The following SPATA13 variants were observed in gnomAD, a reference collection of about 807,000 sequenced individuals.
The protein encoded by SPATA13 is spermatogenesis-associated protein 13.
Under a neutral mutation model 104.0 loss-of-function variants are expected in SPATA13, and 50 were observed. The ratio of observed to expected loss-of-function variants is 0.48; its 90% CI spans 0.38 to 0.61. SPATA13 has a LOEUF of 0.61. SPATA13 is among the 20% of genes least tolerant of loss of function. SPATA13 has a pLI of 0.00. For missense variants in SPATA13, 1,524 were observed against 1,690.6 expected (o/e 0.90, Z 1.73); for synonymous variants, 606 against 667.5 (o/e 0.91, Z 1.42).
chr13:24,261,398 G>A (rs1003533801), intron 4 of SPATA13, among the ~76,000 whole-genome samples: 25 of 152,118 alleles, frequency 1.6e-4, no homozygotes, highest in African/African-American at 5.8e-4. Context: ...TGGGCAGCTC[G>A]ATGAAGATGA....
chr13:24,275,015 G>T (rs909500583), intron 4 of SPATA13, among the ~76,000 whole-genome samples: 1 of 151,996 alleles, frequency 6.6e-6, no homozygotes, highest in South Asian at 2.1e-4. Context: ...CCCTCACCAG[G>T]ACTACCCTCC....
intron 3 of SPATA13, among the ~76,000 whole-genome samples, chr13:24,101,948 GGCGAATATCT>G (rs1313776742): frequency 6.6e-6 from 1 of 152,150 alleles, no homozygotes; most frequent in Non-Finnish European, 1.5e-5. Flanking sequence ...CACATGGGTG[GGCGAATATCT>G]GCTCAAGACC....
chr13:24,030,714 A>G (rs1877440242), intron 3 of SPATA13, among the ~76,000 whole-genome samples: 2 of 152,096 alleles, frequency 1.3e-5, no homozygotes, highest in South Asian at 2.1e-4. Context: ...TACTACAACC[A>G]TACATGTTTA....
At chr13:24,038,967 A>G (rs1387272018) in intron 3 of SPATA13, among the ~76,000 whole-genome samples, 1 of 152,228 alleles carries the variant, frequency 6.6e-6, no homozygotes, top group African/African-American at 2.4e-5. Flanking sequence ...CAGCCCTGTG[A>G]CACAGGCAGG....
chr13:24,034,097 T>C (rs1192300614), intron 3 of SPATA13: 1 of 152,164 alleles, frequency 6.6e-6, no homozygotes, highest in East Asian at 1.9e-4. Flanking sequence ...GAAAAATTCC[T>C]CTAAGGAATC....
chr13:24,194,861 T>A (rs1020896166), intron 1 of SPATA13, among the ~76,000 whole-genome samples: 1 of 152,262 alleles, frequency 6.6e-6, no homozygotes, highest in South Asian at 2.1e-4. Flanking sequence ...AGAATGTTTG[T>A]TAATTGGGAC....
chr13:24,016,683 G>T (rs77523337), intron 2 of SPATA13, among the ~76,000 whole-genome samples: 1 of 152,174 alleles, frequency 6.6e-6, no homozygotes, highest in African/African-American at 2.4e-5. Flanking sequence ...CCTGAGCTGC[G>T]TGTCCCCAGT....
In SPATA13 at chr13:24,303,245, A is replaced by G. The variant is rs1325440291; in HGVS notation, c.*472A>G. 4.7e-6 allele frequency: 2 copies of G among 429,878 alleles called. No individual in the cohort carries two copies. The highest frequency in any genetic ancestry group is 1.5e-4 in the East Asian group (2 of 13,396). 26.6% of individuals were successfully genotyped at this position (429,878 alleles called of 1,614,324 possible). On this transcript the variant is annotated 3_prime_UTR_variant, in exon 13 of 13. Coordinates refer to ENST00000382108, the MANE Select transcript of SPATA13 (RefSeq NM_001166271.3). Reference sequence around the variant, plus strand: ...CACAATGCTGCACGTGTCTGGTCACACTTAGAAATTGAGCTCTTACTCTCT... The same window carrying G: ...CACAATGCTGCACGTGTCTGGTCACGCTTAGAAATTGAGCTCTTACTCTCT...
In SPATA13 at chr13:24,223,280, G is replaced by T. The variant is rs754878476; in HGVS notation, c.351G>T (p.Leu117=). The change falls in exon 2 of 13, where the codon CTG becomes CTT. Residue 117 remains leucine, a synonymous_variant. Transcript: ENST00000382108. ...GGAAAATGGGATCCTTTAAGAAACT[G>T]AAGTCCTCAGTCCTGAAAGGAATTC... ...SFRKMGSFKK[L]KSSVLKGIQS... is the part of the protein sequence containing the mutation. 1.3e-6 allele frequency: 2 copies of T among 1,551,646 alleles called. No homozygotes were observed. The highest frequency in any genetic ancestry group is 2.4e-5 in the South Asian group (2 of 84,060).
At chr13:24,280,063 G>C (rs1292683318) in intron 4 of SPATA13, among the ~76,000 whole-genome samples, 1 of 152,332 alleles carries the variant, frequency 6.6e-6, no homozygotes, top group Non-Finnish European at 1.5e-5. Context: ...CCAGGCTGGA[G>C]TCTGGTGGTA....
At chr13:24,103,967 C>T (rs1231046040) in intron 3 of SPATA13, among the ~76,000 whole-genome samples, 1 of 152,182 alleles carries the variant, frequency 6.6e-6, no homozygotes, top group Non-Finnish European at 1.5e-5. Flanking sequence ...TTAGGAGTGA[C>T]TCTAAGTAGG....
chr13:24,271,029 T>TCTCTCTCTCA, intron 4 of SPATA13: 2 of 717,410 alleles, frequency 2.8e-6, no homozygotes, highest in Non-Finnish European at 5.1e-6. Flanking sequence ...TCACTCTCTC[T>TCTCTCTCTCA]CTCTCTCTCT....
intron 3 of SPATA13, among the ~76,000 whole-genome samples, chr13:24,058,618 C>T (rs1878657709): frequency 6.6e-6 from 1 of 151,848 alleles, no homozygotes; most frequent in African/African-American, 2.4e-5. Context: ...AAACTCATGG[C>T]TTCAAAACGG....
Position 24,099,749 on chromosome 13 carries a change from C to G in SPATA13, c.-112+82048C>G, listed in dbSNP as rs140686786. Among the ~76,000 whole-genome samples the G allele has an allele frequency of 1.9e-3, 296 of 152,290 alleles. 1 individual carries two copies. The highest frequency in any genetic ancestry group is 6.8e-3 in the African/African-American group (282 of 41,572). ...ATATGCAGTTCAAAAACTCCAGATT[C>G]AGGGAATGTGCAGATCACATGGTCT... On this transcript the variant is annotated intron_variant, in intron 3 of 14. Coordinates refer to the SPATA13 transcript ENST00000424834.
chr13:24,005,805 G>A (rs1181442644), intron 2 of SPATA13, among the ~76,000 whole-genome samples: 2 of 152,174 alleles, frequency 1.3e-5, no homozygotes, highest in Non-Finnish European at 2.9e-5. Flanking sequence ...ATGCAGCATG[G>A]GCATTTTTGT....
intron 3 of SPATA13, among the ~76,000 whole-genome samples, chr13:24,136,156 C>A (rs1881558057): frequency 6.6e-6 from 1 of 152,172 alleles, no homozygotes; most frequent in Non-Finnish European, 1.5e-5. Context: ...AATGGTCTTT[C>A]ATTGCCAGGC....
intron 2 of SPATA13, among the ~76,000 whole-genome samples, chr13:24,245,584 C>CTGTTTTTTTTTTT (rs747417579): frequency 1.1e-5 from 1 of 88,630 alleles, no homozygotes; most frequent in Non-Finnish European, 2.0e-5. Context: ...ACAGTTGTTT[C>CTGTTTTTTTTTTT]TTTTTTTTTT....
chr13:24,274,279 G>A (rs555839980), intron 4 of SPATA13, among the ~76,000 whole-genome samples: 1 of 152,318 alleles, frequency 6.6e-6, no homozygotes, highest in Admixed American at 6.5e-5. Flanking sequence ...TGAAGGTCCA[G>A]TGGTTCCCAA....
At chr13:24,119,211 C>G (rs969706807) in intron 3 of SPATA13, among the ~76,000 whole-genome samples, 1 of 152,170 alleles carries the variant, frequency 6.6e-6, no homozygotes, top group African/African-American at 2.4e-5. Context: ...CCGGCTGACA[C>G]TAACTTATGT....
Sources: allele counts gnomAD v4.1 joint callset (sites outside exome capture counted in the v4.1 genomes callset), GRCh38; gene constraint gnomAD v4.1.1; transcripts MANE v1.5; gene names NCBI Gene and HGNC (gene_info 2026-07-23, HGNC 2026-07-21).